The following ANKS6 variants were observed in gnomAD, a reference collection of about 807,000 sequenced individuals.
ANKS6 encodes ankyrin repeat and sterile alpha motif domain containing 6, also known as ankyrin repeat and SAM domain-containing protein 6.
In ANKS6, 47 loss-of-function variants were observed where a neutral mutation model predicts 77.9. The ratio of observed to expected loss-of-function variants is 0.60; its 90% confidence interval spans 0.48 to 0.77. ANKS6 has a LOEUF of 0.77. Ranked by LOEUF, ANKS6 falls within the 30% of genes least tolerant of loss-of-function variation. The pLI is 0.00. For synonymous variants in ANKS6, 488 were observed against 501.7 expected (o/e 0.97, Z 0.37); for missense variants, 1,150 against 1,159.1 (o/e 0.99, Z 0.11).
rs1402902514 is a variant in ANKS6, at chr9:98,733,501, C to A, written c.*3018G>T. On this transcript the variant is annotated 3_prime_UTR_variant, in exon 15 of 15. Transcript: ENST00000353234. ...TGTCCCACTGCCAAGCAGGCCACCTCTGCAGAGCTGCTGGGGAGAAAAAGG... is the reference window on the plus strand; with the variant it reads ...TGTCCCACTGCCAAGCAGGCCACCTATGCAGAGCTGCTGGGGAGAAAAAGG... The A allele has an allele frequency of 2.5e-5, 25 of 985,420 alleles. No homozygotes were observed. The highest frequency in any genetic ancestry group is 2.9e-5 in the Non-Finnish European group (24 of 829,998). The allele number at this position is 985,420 out of a possible 1,614,324, so 61.0% of individuals were successfully genotyped here.
chr9:98,787,428 A>G (rs2118153382), intron 2 of ANKS6, among the ~76,000 whole-genome samples: 1 of 149,504 alleles, frequency 6.7e-6, no homozygotes, highest in Non-Finnish European at 1.5e-5. Flanking sequence ...TATATATTTA[A>G]TATGCTTATT....
At chr9:98,788,036 G>A (rs1834671924) in intron 2 of ANKS6, among the ~76,000 whole-genome samples, 1 of 152,204 alleles carries the variant, frequency 6.6e-6, no homozygotes. Context: ...TGAGGCAGCT[G>A]GTTCAAGGTC....
At chr9:98,780,445 G>C in intron 5 of ANKS6, 108 bp from the exon 6 acceptor site, 1 of 1,308,226 alleles carries the variant, frequency 7.6e-7, no homozygotes, top group Non-Finnish European at 1.0e-6. Context: ...TGCAGCTCCA[G>C]GGTCTGTGTA....
intron 12 of ANKS6, 27 bp downstream of exon 12, chr9:98,756,393 G>A (rs1315689322): frequency 1.2e-6 from 2 of 1,604,098 alleles, no homozygotes; most frequent in East Asian, 2.3e-5. Context: ...AGGAATAGGT[G>A]GGGTTTCAGG....
intron 14 of ANKS6, among the ~76,000 whole-genome samples, chr9:98,742,818 C>G (rs1207993344): frequency 1.7e-5 from 2 of 116,614 alleles, no homozygotes; most frequent in Non-Finnish European, 3.2e-5. Flanking sequence ...GTATAGGATG[C>G]AGACTGTCGC....
rs761573886 is a variant in ANKS6 at position 98,780,317 on chromosome 9, G to A, written c.1240C>T (p.Leu414=). ...NDPDTELVRL[L]ASVCMQVNKD... is the part of the protein sequence containing the mutation. The stretch of plus-strand genomic sequence containing the variant: ...TTCACCTGCATGCAGACAGATGCCA[G>A]CAGTCGAACAAGTTCCGTGTCTATG... Residue 414 remains leucine, a synonymous_variant, in exon 6 of 15, where the codon CTG becomes TTG. Coordinates refer to ENST00000353234, the MANE Select transcript of ANKS6 (RefSeq NM_173551.5). 2.5e-6 allele frequency: 4 copies of A among 1,602,032 alleles called. No individual in the cohort carries two copies. The highest frequency in any genetic ancestry group is 2.2e-5 in the East Asian group (1 of 44,666).
intron 14 of ANKS6, 130 bp from the exon 15 acceptor site, chr9:98,736,753 T>C: frequency 1.7e-6 from 2 of 1,155,916 alleles, no homozygotes; most frequent in Non-Finnish European, 2.5e-6. Flanking sequence ...GAAAATAAAT[T>C]ACCTAACTGA....
At chr9:98,777,593 T>C (rs1188290561) in intron 7 of ANKS6, 139 bp from the exon 8 acceptor site, 2 of 744,804 alleles carry the variant, frequency 2.7e-6, no homozygotes, top group East Asian at 2.7e-5. Context: ...GTATTCGATA[T>C]TTTAATAGAA....
At chr9:98,773,330 T>A (rs1325010693) in intron 9 of ANKS6, among the ~76,000 whole-genome samples, 1 of 152,214 alleles carries the variant, frequency 6.6e-6, no homozygotes, top group Non-Finnish European at 1.5e-5. Flanking sequence ...GCCCATTTGC[T>A]GCATCTACCA....
chr9:98,792,234 T>G (rs1453237130), intron 1 of ANKS6, among the ~76,000 whole-genome samples: 1 of 152,086 alleles, frequency 6.6e-6, no homozygotes, highest in Non-Finnish European at 1.5e-5. Context: ...CGTGTCCTGC[T>G]TCAGGAGTCA....
rs2131908369 is a variant in ANKS6, at chr9:98,732,524, T to C, written c.*3995A>G. ...GGCTGCTACCTCTTGCCGGAGGCAG[T>C]TTCTTCTGGCCTCACCCACCCAACC... On this transcript the variant is annotated 3_prime_UTR_variant, in exon 15 of 15. Coordinates refer to ENST00000353234, the MANE Select transcript of ANKS6 (RefSeq NM_173551.5). 6.4e-7 allele frequency: 1 copy of C among 1,550,574 alleles called. No homozygotes were observed. Among genetic ancestry groups the C allele is most frequent in the East Asian group, 2.4e-5 (1 of 40,922 alleles).
chr9:98,744,003 C>T (rs962800562), intron 14 of ANKS6, among the ~76,000 whole-genome samples: 3 of 152,182 alleles, frequency 2.0e-5, no homozygotes, highest in Admixed American at 2.0e-4. Context: ...CCCCCCTGCC[C>T]TCCCCCTTGA....
intron 13 of ANKS6, 113 bp from the exon 14 acceptor site, chr9:98,745,788 G>T: frequency 2.6e-6 from 2 of 767,096 alleles, no homozygotes; most frequent in Non-Finnish European, 4.5e-6. Context: ...GTAAACTGAT[G>T]ATGATTTACT....
intron 13 of ANKS6, among the ~76,000 whole-genome samples, chr9:98,746,279 G>GCTC (rs1379233250): frequency 6.6e-6 from 1 of 152,138 alleles, no homozygotes; most frequent in Non-Finnish European, 1.5e-5. Context: ...TGCTCCACTG[G>GCTC]CTCCTGTTCC....
chr9:98,791,106 C>T lies in ANKS6; in HGVS notation c.360-500G>A, dbSNP rs1325024999. Among the ~76,000 whole-genome samples the T allele has an allele frequency of 6.6e-6, 1 of 152,220 alleles. No homozygotes were observed. The highest frequency in any genetic ancestry group is 1.9e-4 in the East Asian group (1 of 5,204). ...ACAGGTCTGTGTGAATGCCGCTGCC[C>T]TTGCTTTTTCTCTTACACCATGCTG... On this transcript the variant is annotated intron_variant, in intron 1 of 14. Coordinates refer to ENST00000353234, the MANE Select transcript of ANKS6 (RefSeq NM_173551.5). The surrounding 1 kb of genome is among the most constrained non-coding windows in gnomAD (Gnocchi z 4.3).
At chr9:98,754,610 C>G (rs1832600138) in intron 12 of ANKS6, among the ~76,000 whole-genome samples, 1 of 151,798 alleles carries the variant, frequency 6.6e-6, no homozygotes, top group Non-Finnish European at 1.5e-5. Context: ...CCACTGCACT[C>G]CAGCATGGGT....
rs954610313 is a variant in ANKS6 at position 98,771,830 on chromosome 9, C to T, written c.1822-784G>A. Among the ~76,000 whole-genome samples, 25 of 152,212 alleles carry T rather than the reference C, an allele frequency of 1.6e-4. 1 individual carries two copies. The highest frequency in any genetic ancestry group is 6.0e-4 in the African/African-American group (25 of 41,536). On this transcript the variant is annotated intron_variant, in intron 9 of 14. Coordinates refer to ENST00000353234, the MANE Select transcript of ANKS6 (RefSeq NM_173551.5). ...AGGGTGGGCTCCCGTGTAGGGCAGG[C>T]TCCTCAACACACGGCTGTGATCCCT...
rs750427922 is a variant in ANKS6 at position 98,777,471 on chromosome 9, A to G, written c.1568-17T>C. The G allele has an allele frequency of 1.7e-5, 27 of 1,613,836 alleles. No homozygotes were observed. Among genetic ancestry groups the G allele is most frequent in the Non-Finnish European group, 2.2e-5 (26 of 1,179,850 alleles). On this transcript the variant is annotated splice_polypyrimidine_tract_variant and intron_variant, in intron 7 of 14. Coordinates refer to ENST00000353234, the MANE Select transcript of ANKS6 (RefSeq NM_173551.5). The stretch of plus-strand genomic sequence containing the variant: ...TCCCAGGACCTGAGAGACAAATGGA[A>G]ATTTCCTGAAATGACCCCTCCACGT...
chr9:98,771,941 C>G (rs1046607459), intron 9 of ANKS6, among the ~76,000 whole-genome samples: 2 of 152,276 alleles, frequency 1.3e-5, no homozygotes, highest in East Asian at 1.9e-4. Context: ...TATGATGCCC[C>G]AGTGGACTGC....
Sources: allele counts gnomAD v4.1 joint callset (sites outside exome capture counted in the v4.1 genomes callset), GRCh38; gene constraint gnomAD v4.1.1; non-coding constraint Gnocchi (gnomAD v3.1); transcripts MANE v1.5; gene names NCBI Gene and HGNC (gene_info 2026-07-23, HGNC 2026-07-21).